Variants in LRP1B observed in about 807,000 individuals in gnomAD.
The protein encoded by LRP1B is LDL receptor related protein 1B.
A neutral mutation model predicts 556.6 loss-of-function variants in LRP1B; 217 were observed. The ratio of observed to expected loss-of-function variants is 0.39; its 90% CI spans 0.35 to 0.44. LRP1B has a LOEUF of 0.44. Ranked by LOEUF, LRP1B falls within the 20% of genes least tolerant of loss-of-function variation. The pLI, the probability that LRP1B is intolerant of heterozygous loss-of-function variation, is 1.00. For synonymous variants in LRP1B, 2,047 were observed against 1,865.8 expected (o/e 1.10, Z -2.50); for missense variants, 5,053 against 5,620.8 (o/e 0.90, Z 3.23).
chr2:140,574,084 T>A (rs1324162930), intron 43 of LRP1B, among the ~76,000 whole-genome samples: 1 of 152,132 alleles, frequency 6.6e-6, no homozygotes, highest in East Asian at 1.9e-4. Context: ...CATTTATCTA[T>A]ATTTCAAACT....
At chr2:140,282,478 T>A (rs1460368479) in intron 84 of LRP1B, among the ~76,000 whole-genome samples, 1 of 151,826 alleles carries the variant, frequency 6.6e-6, no homozygotes, top group African/African-American at 2.4e-5. Context: ...TCATATTTAG[T>A]GATTCATAAA....
intron 2 of LRP1B, among the ~76,000 whole-genome samples, chr2:141,577,888 G>T (rs539180112): frequency 8.5e-5 from 13 of 152,220 alleles, no homozygotes; most frequent in African/African-American, 3.1e-4. Flanking sequence ...CAAAATCAAG[G>T]CAGGAAGGAA....
chr2:141,418,432 A>ATTTC, intron 3 of LRP1B, among the ~76,000 whole-genome samples: 1 of 140,914 alleles, frequency 7.1e-6, no homozygotes, highest in Non-Finnish European at 1.5e-5. Context: ...AGAGCACAAT[A>ATTTC]TTTTTTTTTT....
intron 3 of LRP1B, among the ~76,000 whole-genome samples, chr2:141,276,747 C>G (rs182228701): frequency 6.6e-6 from 1 of 150,888 alleles, no homozygotes; most frequent in Non-Finnish European, 1.5e-5. Context: ...AGCTCCGCCT[C>G]CCCGGTTCAC....
chr2:141,386,455 C>T (rs931606177), intron 3 of LRP1B, among the ~76,000 whole-genome samples: 1 of 151,810 alleles, frequency 6.6e-6, no homozygotes, highest in African/African-American at 2.4e-5. Flanking sequence ...ATGATCCAAC[C>T]TATATACTGT....
intron 45 of LRP1B, among the ~76,000 whole-genome samples, chr2:140,538,510 T>C (rs1473873067): frequency 6.6e-6 from 1 of 152,106 alleles, no homozygotes; most frequent in Admixed American, 6.6e-5. Context: ...ATTCACCTTA[T>C]TTATTTGACT....
chr2:142,120,882 AAGT>A (rs1342162025), intron 1 of LRP1B, among the ~76,000 whole-genome samples: 1 of 152,112 alleles, frequency 6.6e-6, no homozygotes, highest in Admixed American at 6.5e-5. Flanking sequence ...AGCAATAAGA[AAGT>A]AAACAATATT....
At chr2:141,676,421 A>G (rs1403679152) in intron 2 of LRP1B, among the ~76,000 whole-genome samples, 2 of 152,174 alleles carry the variant, frequency 1.3e-5, no homozygotes, top group East Asian at 3.9e-4. Flanking sequence ...GGTGCCTTCG[A>G]GAATAGCTCC....
rs540918504 is a variant in LRP1B at position 140,500,311 on chromosome 2, T to C, written c.8850+1376A>G. Among the ~76,000 whole-genome samples the C allele has an allele frequency of 6.6e-5, 10 of 152,120 alleles. No homozygotes were observed. The South Asian group carries it at 2.1e-3, about 31-fold the overall frequency. The stretch of plus-strand genomic sequence containing the variant: ...AGTAAAATCCTAACCAACCTAACCA[T>C]GTAGCTAAGTTAATAATACCAGAAA... On this transcript the variant is annotated intron_variant, in intron 55 of 90. Coordinates refer to ENST00000389484, the MANE Select transcript of LRP1B (RefSeq NM_018557.3).
At chr2:142,113,758 G>A (rs1341296039) in intron 1 of LRP1B, among the ~76,000 whole-genome samples, 1 of 152,052 alleles carries the variant, frequency 6.6e-6, no homozygotes, top group Non-Finnish European at 1.5e-5. Flanking sequence ...TTACCAGTTA[G>A]TTCATTGGGA....
At chr2:141,718,449 G>A (rs76659128) in intron 2 of LRP1B, among the ~76,000 whole-genome samples, 6,825 of 152,080 alleles carry the variant, frequency 0.045, 210 homozygotes, top group South Asian at 0.1. Flanking sequence ...AAAGTCCCCT[G>A]GTCCTGGGTT....
intron 43 of LRP1B, 56 bp downstream of exon 43, chr2:140,598,575 T>C (rs1346903878): frequency 7.5e-7 from 1 of 1,325,522 alleles, no homozygotes; most frequent in Non-Finnish European, 1.1e-6. Flanking sequence ...ATAAATCACA[T>C]GTTTTAAATA....
chr2:141,550,986 T>C (rs1241765574), intron 2 of LRP1B, among the ~76,000 whole-genome samples: 1 of 152,046 alleles, frequency 6.6e-6, no homozygotes, highest in Non-Finnish European at 1.5e-5. Flanking sequence ...TTACATCCTA[T>C]CAGTATGAAA....
chr2:140,576,891 T>G (rs1681547165), intron 43 of LRP1B, among the ~76,000 whole-genome samples: 2 of 152,208 alleles, frequency 1.3e-5, no homozygotes, highest in Admixed American at 6.5e-5. Flanking sequence ...CATTAATGTT[T>G]GTTTGCTTTT....
At chr2:140,432,744 A>C (rs2105286142) in intron 66 of LRP1B, among the ~76,000 whole-genome samples, 1 of 152,376 alleles carries the variant, frequency 6.6e-6, no homozygotes, top group East Asian at 1.9e-4. Context: ...AGAAGCAGCT[A>C]GAAATATTTG....
chr2:140,713,816 C>T (rs1195783393), intron 37 of LRP1B, among the ~76,000 whole-genome samples: 1 of 152,000 alleles, frequency 6.6e-6, no homozygotes, highest in Non-Finnish European at 1.5e-5. Context: ...TATACCTACC[C>T]CATCTCAGAA....
intron 6 of LRP1B, among the ~76,000 whole-genome samples, chr2:141,196,226 T>C (rs1252022078): frequency 2.6e-5 from 4 of 152,124 alleles, no homozygotes; most frequent in East Asian, 3.9e-4. Context: ...TGGTAAAAAA[T>C]AGCAGTGTCC....
intron 35 of LRP1B, among the ~76,000 whole-genome samples, chr2:140,753,662 T>A (rs1301996074): frequency 6.6e-6 from 1 of 152,204 alleles, no homozygotes; most frequent in African/African-American, 2.4e-5. Flanking sequence ...AATAAGAGTC[T>A]GTGGCACTTG....
rs183835224 is a variant in LRP1B, at chr2:141,636,105, A to C, written c.206-155572T>G. On this transcript the variant is annotated intron_variant, in intron 2 of 90. Coordinates refer to ENST00000389484, the MANE Select transcript of LRP1B (RefSeq NM_018557.3). ...GACTATTCTGGGTACTGGGGACAGT[A>C]AAAAAAAGATATGAAAGAAGAACCC... 1.3e-3 allele frequency among the ~76,000 whole-genome samples: 200 copies of C among 152,038 alleles called. 1 individual carries two copies. The highest frequency in any genetic ancestry group is 3.9e-4 in the East Asian group (2 of 5,170).
Sources: allele counts gnomAD v4.1 joint callset (sites outside exome capture counted in the v4.1 genomes callset), GRCh38; gene constraint gnomAD v4.1.1; transcripts MANE v1.5; gene names NCBI Gene and HGNC (gene_info 2026-07-23, HGNC 2026-07-21).